ZFHX3: variants seen among roughly 807,000 people sequenced by gnomAD.
ZFHX3 encodes the protein zinc finger homeobox 3.
In ZFHX3, 42 loss-of-function variants were observed where a neutral mutation model predicts 279.1. The observed-to-expected ratio is 0.15, with a 90% confidence interval of 0.12 to 0.19. The LOEUF is 0.19. Among genes scored for constraint, ZFHX3 ranks in the 10% least tolerant of loss-of-function variants. ZFHX3 has a pLI of 1.00. For synonymous variants in ZFHX3, 2,293 were observed against 1,957.8 expected, an observed-to-expected ratio of 1.17 and a Z score of -4.52; for missense variants, 4,981 against 4,754.0, an observed-to-expected ratio of 1.05 and a Z score of -1.40.
chr16:73,582,876 A>T (rs1012784316), intron 2 of ZFHX3, among the ~76,000 whole-genome samples: 6 of 150,598 alleles, frequency 4.0e-5, no homozygotes, highest in African/African-American at 1.5e-4. Flanking sequence ...GCCATATAAA[A>T]TCTACATGCT....
intron 1 of ZFHX3, among the ~76,000 whole-genome samples, chr16:73,703,783 C>A (rs1358834809): frequency 6.6e-6 from 1 of 152,166 alleles, no homozygotes; most frequent in Non-Finnish European, 1.5e-5. Flanking sequence ...AGGCAATCTT[C>A]AGGTTTAAGA....
At chr16:73,492,863 T>C (rs2019077198) in intron 2 of ZFHX3, among the ~76,000 whole-genome samples, 2 of 152,178 alleles carry the variant, frequency 1.3e-5, no homozygotes, top group African/African-American at 2.4e-5. Flanking sequence ...AGACTGTAAA[T>C]TCTAGCTGGT....
chr16:73,181,085 G>A (rs1186707199), intron 5 of ZFHX3, among the ~76,000 whole-genome samples: 1 of 127,442 alleles, frequency 7.8e-6, no homozygotes, highest in African/African-American at 2.7e-5. Flanking sequence ...TTGTTTGTTT[G>A]TTTTGTTTTG....
intron 1 of ZFHX3, among the ~76,000 whole-genome samples, chr16:73,009,226 GA>G (rs201878339): frequency 1.8e-4 from 27 of 148,776 alleles, no homozygotes; most frequent in African/African-American, 3.7e-4. Flanking sequence ...AAAAAGAAAA[GA>G]AAAAAAAATG....
chr16:72,988,938 G>C (rs1278218809), intron 1 of ZFHX3, among the ~76,000 whole-genome samples: 1 of 152,168 alleles, frequency 6.6e-6, no homozygotes, highest in African/African-American at 2.4e-5. Flanking sequence ...CACTTTGGGA[G>C]GCCAAAGTGG....
chr16:73,354,038 G>T (rs900122981), intron 3 of ZFHX3, among the ~76,000 whole-genome samples: 2 of 152,134 alleles, frequency 1.3e-5, no homozygotes, highest in African/African-American at 2.4e-5. Flanking sequence ...TTATAACTTA[G>T]TCAGTATGGG....
chr16:72,831,294 A>G (rs914002127), intron 4 of ZFHX3, among the ~76,000 whole-genome samples: 3 of 152,306 alleles, frequency 2.0e-5, no homozygotes, highest in African/African-American at 7.2e-5. Context: ...AAACTGAACT[A>G]GTGTCACGGA....
At chr16:72,944,363 TAC>T (rs1475871887) in intron 3 of ZFHX3, among the ~76,000 whole-genome samples, 1 of 152,210 alleles carries the variant, frequency 6.6e-6, no homozygotes, top group Admixed American at 6.5e-5. Flanking sequence ...TGTGTGTGTG[TAC>T]AGATACATAC....
chr16:73,030,320 G>T (rs1370177058), intron 1 of ZFHX3, among the ~76,000 whole-genome samples: 1 of 152,208 alleles, frequency 6.6e-6, no homozygotes, highest in African/African-American at 2.4e-5. Flanking sequence ...AAGGAGTTAA[G>T]CAGGTTCATT....
intron 1 of ZFHX3, among the ~76,000 whole-genome samples, chr16:73,684,671 T>G (rs1185264639): frequency 1.3e-5 from 2 of 151,286 alleles, no homozygotes; most frequent in African/African-American, 2.4e-5. Context: ...ATTATCTGCA[T>G]GTGCCCCTGC....
At chr16:73,356,912 T>C (rs1212555574) in intron 3 of ZFHX3, among the ~76,000 whole-genome samples, 1 of 146,156 alleles carries the variant, frequency 6.8e-6, no homozygotes, top group Non-Finnish European at 1.5e-5. Context: ...GCTAACAGGG[T>C]GGGAAGCAGC....
rs535006804 is a variant in ZFHX3 at position 73,142,104 on chromosome 16, C to T, written c.-1024+1648G>A. ...CAGAGCATTAGCTCAAACATGGTCC[C>T]TCCCTTTGTTTCTTAAATGTTCCCA... On this transcript the variant is annotated intron_variant, in intron 6 of 17. Coordinates refer to the ZFHX3 transcript ENST00000641206. Among the ~76,000 whole-genome samples the T allele has an allele frequency of 2.2e-4, 34 of 152,302 alleles. 1 individual carries two copies. The highest frequency in any genetic ancestry group is 7.5e-4 in the African/African-American group (31 of 41,572).
At chr16:72,969,197 T>C (rs1961989803) in intron 1 of ZFHX3, among the ~76,000 whole-genome samples, 1 of 152,050 alleles carries the variant, frequency 6.6e-6, no homozygotes. Context: ...TTATGTGAAA[T>C]TTGCTCCCAG....
chr16:73,061,454 A>T (rs994520712), upstream of ZFHX3: 2 of 144,148 alleles, frequency 1.4e-5, 1 homozygote, highest in South Asian at 4.3e-4. Flanking sequence ...ATAAATATTT[A>T]TCTTTATTGT....
intron 2 of ZFHX3, among the ~76,000 whole-genome samples, chr16:73,492,718 C>A (rs922538805): frequency 6.6e-6 from 1 of 152,162 alleles, no homozygotes; most frequent in Non-Finnish European, 1.5e-5. Flanking sequence ...TATGTTTCAC[C>A]GTTATTTATC....
chr16:72,960,983 C>T (rs1277930836), intron 1 of ZFHX3, among the ~76,000 whole-genome samples: 2 of 152,146 alleles, frequency 1.3e-5, no homozygotes, highest in African/African-American at 4.8e-5. Context: ...TTCCTGTCTC[C>T]TCCACCCATA....
intron 5 of ZFHX3, among the ~76,000 whole-genome samples, chr16:73,225,993 G>A (rs2012579242): frequency 6.6e-6 from 1 of 152,178 alleles, no homozygotes; most frequent in South Asian, 2.1e-4. Flanking sequence ...CTTCCTAGGA[G>A]TCCAATGTGT....
At chr16:73,788,701 G>A (rs1257165033) in intron 1 of ZFHX3, among the ~76,000 whole-genome samples, 2 of 150,160 alleles carry the variant, frequency 1.3e-5, no homozygotes, top group South Asian at 2.2e-4. Context: ...TGGGAATGTA[G>A]GGGAATAGGA....
At chr16:72,798,824 A>T (rs2036004463) in intron 8 of ZFHX3, 110 bp from the exon 9 acceptor site, 1 of 1,440,266 alleles carries the variant, frequency 6.9e-7, no homozygotes, top group East Asian at 2.5e-5. Flanking sequence ...GAATCTGATG[A>T]TGAGGGAAGT....
Sources: allele counts gnomAD v4.1 joint callset (sites outside exome capture counted in the v4.1 genomes callset), GRCh38; gene constraint gnomAD v4.1.1; transcripts MANE v1.5; gene names NCBI Gene and HGNC (gene_info 2026-07-23, HGNC 2026-07-21).